HPCA: variants seen among roughly 807,000 people sequenced by gnomAD.
HPCA encodes neuron-specific calcium-binding protein hippocalcin.
A neutral mutation model predicts 18.2 loss-of-function variants in HPCA; 4 were observed. That is an observed-to-expected ratio of 0.22 (90% CI 0.11 to 0.50). The LOEUF (loss-of-function observed/expected upper bound fraction) is 0.50. Among genes scored for constraint, HPCA ranks in the 20% least tolerant of loss-of-function variants. HPCA has a pLI of 0.97. For missense variants in HPCA, 161 were observed against 265.8 expected (o/e 0.61, Z 2.74); for synonymous variants, 93 against 103.5 (o/e 0.90, Z 0.61).
upstream of HPCA, chr1:32,886,116 C>G (rs1641357976): frequency 6.6e-6 from 1 of 152,478 alleles, no homozygotes; most frequent in Admixed American, 6.6e-5. This position sits in a 1 kb window ranked among gnomAD's most constrained non-coding sequence, Gnocchi z 7.0. Flanking sequence ...GGCTCAGAGC[C>G]CAGGTGGGTA....
intron 2 of HPCA, among the ~76,000 whole-genome samples, chr1:32,891,212 A>G (rs1439657202): frequency 6.6e-6 from 1 of 152,196 alleles, no homozygotes; most frequent in Non-Finnish European, 1.5e-5. Context: ...GGGGCCCCAG[A>G]CAGCTGGTGC....
At position 32,889,046 on chromosome 1, in the gene HPCA, A is replaced by G; in HGVS notation, c.148A>G (p.Lys50Glu). 1 of 1,614,172 alleles carries G rather than the reference A, an allele frequency of 6.2e-7. No homozygotes were observed. Among genetic ancestry groups the G allele is most frequent in the Non-Finnish European group, 8.5e-7 (1 of 1,180,014 alleles). The change falls in exon 2 of 4, where the codon AAG becomes GAG. Residue 50 changes from lysine to glutamate, a missense_variant. Lys to Glu is a moderately conservative substitution (Grantham distance 56, BLOSUM62 1). Coordinates refer to ENST00000373467, the MANE Select transcript of HPCA (RefSeq NM_002143.3). The surrounding 1 kb of genome is among the most constrained non-coding windows in gnomAD (Gnocchi z 4.6). ...TGILNVDEFK[K>E]IYANFFPYGD... is the part of the protein sequence containing the mutation. ...AATCCTCAATGTGGATGAGTTCAAGAAGATCTACGCCAACTTCTTTCCCTA... is the reference window on the plus strand; with the variant it reads ...AATCCTCAATGTGGATGAGTTCAAGGAGATCTACGCCAACTTCTTTCCCTA...
At position 32,889,907 on chromosome 1, in the gene HPCA, C is replaced by A. The variant is rs537578982; in HGVS notation, c.378+631C>A. 1.3e-5 allele frequency among the ~76,000 whole-genome samples: 2 copies of A among 152,312 alleles called. No individual in the cohort carries two copies. Among genetic ancestry groups the A allele is most frequent in the South Asian group, 4.1e-4 (2 of 4,828 alleles). ...TATGTCTAGTTGATCCTCATTTACA[C>A]CAGAGGAAACGGATGCTCAGAGAGA... On this transcript the variant is annotated intron_variant, in intron 2 of 3. Coordinates refer to ENST00000373467, the MANE Select transcript of HPCA (RefSeq NM_002143.3). The surrounding 1 kb of genome is among the most constrained non-coding windows in gnomAD (Gnocchi z 4.6).
intron 1 of HPCA, 59 bp from the exon 2 acceptor site, chr1:32,888,819 T>G: frequency 2.7e-6 from 4 of 1,461,638 alleles, no homozygotes; most frequent in Non-Finnish European, 3.7e-6. Context: ...TGGAGCAGTG[T>G]CTAGTAGCCA....
Position 32,893,451 on chromosome 1 carries a change from G to A in HPCA, c.379-73G>A. The A allele has an allele frequency of 1.9e-6, 2 of 1,060,854 alleles. No homozygotes were observed. Among genetic ancestry groups the A allele is most frequent in the Admixed American group, 1.9e-5 (1 of 52,262 alleles). The allele number at this position is 1,060,854 out of a possible 1,614,324, so 65.7% of individuals were successfully genotyped here. A position where few individuals can be genotyped will look rare whatever the true frequency, so the allele number is the denominator to read the frequency against. On this transcript the variant is annotated intron_variant, in intron 2 of 3. Transcript: ENST00000373467. This position sits in a 1 kb window ranked among gnomAD's most constrained non-coding sequence, Gnocchi z 7.5. Reference sequence around the variant, plus strand: ...GGGCAGCAAACGTCAGAGAGCCCGGGGGCGCCTCTGAATCTTGCGGGTGGG... The same window carrying A: ...GGGCAGCAAACGTCAGAGAGCCCGGAGGCGCCTCTGAATCTTGCGGGTGGG...
rs1163631640 is a variant in HPCA, at chr1:32,893,866, G to A, written c.*4G>A. 1 of 1,555,814 alleles carries A rather than the reference G, an allele frequency of 6.4e-7. No individual in the cohort carries two copies. Among genetic ancestry groups the A allele is most frequent in the Non-Finnish European group, 8.7e-7 (1 of 1,148,310 alleles). On this transcript the variant is annotated 3_prime_UTR_variant, in exon 4 of 4. Coordinates refer to ENST00000373467, the MANE Select transcript of HPCA (RefSeq NM_002143.3). This position sits in a 1 kb window ranked among gnomAD's most constrained non-coding sequence, Gnocchi z 7.5. ...CAGCAGCGCCTCCCAGTTCTGAGAGGAGCCAGGTTCCCCTTCCTCCCTCCC... is the reference window on the plus strand; with the variant it reads ...CAGCAGCGCCTCCCAGTTCTGAGAGAAGCCAGGTTCCCCTTCCTCCCTCCC...
Position 32,893,939 on chromosome 1 carries a change from T to G in HPCA, c.*77T>G. The stretch of plus-strand genomic sequence containing the variant: ...TTAGCTTCCACTCCCTTGTGTGTAT[T>G]CTGGCTGGGGGCCAGATTGGGGAAG... On this transcript the variant is annotated 3_prime_UTR_variant, in exon 4 of 4. Coordinates refer to ENST00000373467, the MANE Select transcript of HPCA (RefSeq NM_002143.3). This position sits in a 1 kb window ranked among gnomAD's most constrained non-coding sequence, Gnocchi z 7.5. 1 of 1,106,838 alleles carries G rather than the reference T, an allele frequency of 9.0e-7. No individual in the cohort carries two copies. Among genetic ancestry groups the G allele is most frequent in the Non-Finnish European group, 1.3e-6 (1 of 755,696 alleles). 68.6% of individuals were successfully genotyped at this position (1,106,838 alleles called of 1,614,324 possible).
Position 32,893,975 on chromosome 1 carries a change from C to A in HPCA, c.*113C>A. ...GCCAGATTGGGGAAGCCCTTCTCCCCGGGTCTGCCCTGTGGGGGGCTTCCG... is the reference window on the plus strand; with the variant it reads ...GCCAGATTGGGGAAGCCCTTCTCCCAGGGTCTGCCCTGTGGGGGGCTTCCG... On this transcript the variant is annotated 3_prime_UTR_variant, in exon 4 of 4. Coordinates refer to ENST00000373467, the MANE Select transcript of HPCA (RefSeq NM_002143.3). This position sits in a 1 kb window ranked among gnomAD's most constrained non-coding sequence, Gnocchi z 7.5. 1 of 819,620 alleles carries A rather than the reference C, an allele frequency of 1.2e-6. No individual in the cohort carries two copies. The highest frequency in any genetic ancestry group is 1.9e-6 in the Non-Finnish European group (1 of 518,136). 50.8% of individuals were successfully genotyped at this position (819,620 alleles called of 1,614,324 possible). A position where few individuals can be genotyped will look rare whatever the true frequency, so the allele number is the denominator to read the frequency against.
chr1:32,888,544 G>C (rs567622989), intron 1 of HPCA, among the ~76,000 whole-genome samples: 1 of 152,240 alleles, frequency 6.6e-6, no homozygotes, highest in Admixed American at 6.5e-5. Flanking sequence ...CTGTAAAATG[G>C]GGCAAATCCC....
At chr1:32,888,233 G>A (rs757704638) in intron 1 of HPCA, among the ~76,000 whole-genome samples, 1 of 152,166 alleles carries the variant, frequency 6.6e-6, no homozygotes, top group Non-Finnish European at 1.5e-5. Flanking sequence ...TCACATAGCT[G>A]GTAAGAGGAG....
At chr1:32,887,443 T>C (rs1245795588) in intron 1 of HPCA, among the ~76,000 whole-genome samples, 1 of 151,934 alleles carries the variant, frequency 6.6e-6, no homozygotes, top group Non-Finnish European at 1.5e-5. Context: ...TGGGTGGGGG[T>C]CACCTGCACA....
At chr1:32,887,670 CA>C (rs1172840961) in intron 1 of HPCA, among the ~76,000 whole-genome samples, 12 of 152,154 alleles carry the variant, frequency 7.9e-5, no homozygotes, top group African/African-American at 2.7e-4. Context: ...GACCTGGCAG[CA>C]CCCCTGGGAA....
Position 32,889,413 on chromosome 1 carries a change from T to G in HPCA, c.378+137T>G. On this transcript the variant is annotated intron_variant, in intron 2 of 3. Transcript: ENST00000373467. This position sits in a 1 kb window ranked among gnomAD's most constrained non-coding sequence, Gnocchi z 4.6. ...CTTGCAATCCCATTTTAAAAATTGT[T>G]TTTAGGAAATATTTCCCATTTAAAG... 1.9e-6 allele frequency: 2 copies of G among 1,041,234 alleles called. No homozygotes were observed. Among genetic ancestry groups the G allele is most frequent in the Admixed American group, 6.0e-5 (2 of 33,316 alleles). The allele number at this position is 1,041,234 out of a possible 1,614,324, so 64.5% of individuals were successfully genotyped here. A position where few individuals can be genotyped will look rare whatever the true frequency, so the allele number is the denominator to read the frequency against.
intron 1 of HPCA, among the ~76,000 whole-genome samples, chr1:32,887,013 G>C (rs2124010121): frequency 6.6e-6 from 1 of 152,320 alleles, no homozygotes; most frequent in East Asian, 1.9e-4. Context: ...CCACCCCGGT[G>C]ACCCAGTTCC....
chr1:32,893,664 G>A lies in HPCA; in HGVS notation c.484+35G>A. The A allele has an allele frequency of 6.4e-7, 1 of 1,552,234 alleles. No individual in the cohort carries two copies. The highest frequency in any genetic ancestry group is 8.9e-7 in the Non-Finnish European group (1 of 1,126,976). ...AGGGGCGGGACGGGGTGGACGGGGC[G>A]GGCGCCTTTCCCTCCCTCCCTCCCT... On this transcript the variant is annotated intron_variant, in intron 3 of 3. Coordinates refer to ENST00000373467, the MANE Select transcript of HPCA (RefSeq NM_002143.3). This position sits in a 1 kb window ranked among gnomAD's most constrained non-coding sequence, Gnocchi z 7.5.
chr1:32,887,752 TGTC>T, intron 1 of HPCA, among the ~76,000 whole-genome samples: 1 of 152,114 alleles, frequency 6.6e-6, no homozygotes, highest in Non-Finnish European at 1.5e-5. Context: ...ATGTGAGAGG[TGTC>T]GGCATGCGAG....
chr1:32,888,923 C>A lies in HPCA; in HGVS notation c.25C>A (p.Arg9=). ...CATGGGCAAGCAGAACAGCAAGCTG[C>A]GGCCCGAGATGTTGCAGGACCTGCG... MGKQNSKL[R]PEMLQDLREN... Residue 9 remains arginine (R), a synonymous_variant, in exon 2 of 4, where the codon CGG becomes AGG. Coordinates refer to ENST00000373467, the MANE Select transcript of HPCA (RefSeq NM_002143.3). The A allele has an allele frequency of 6.2e-7, 1 of 1,612,784 alleles. No homozygotes were observed.
chr1:32,893,913 C>A lies in HPCA; in HGVS notation c.*51C>A. ...TCCCTTCACCGGCCCCCTCCCGGCT[C>A]TTAGCTTCCACTCCCTTGTGTGTAT... is the stretch of plus-strand genomic sequence containing the variant. On this transcript the variant is annotated 3_prime_UTR_variant, in exon 4 of 4. Transcript: ENST00000373467. The surrounding 1 kb of genome is among the most constrained non-coding windows in gnomAD (Gnocchi z 7.5). 3.1e-6 allele frequency: 4 copies of A among 1,275,390 alleles called. No individual in the cohort carries two copies. Among genetic ancestry groups the A allele is most frequent in the Non-Finnish European group, 4.4e-6 (4 of 900,190 alleles). The allele number at this position is 1,275,390 out of a possible 1,614,324, so 79.0% of individuals were successfully genotyped here.
In HPCA at chr1:32,889,811, TTA is replaced by T. The variant is rs373541772; in HGVS notation, c.378+536_378+537del. ...AGTTCTCATGTCTCTTTAGCCCCCT[TTA>T]ATCTGGAATAGCTCCTCATCCTTTC... On this transcript the variant is annotated intron_variant, in intron 2 of 3. Coordinates refer to ENST00000373467, the MANE Select transcript of HPCA (RefSeq NM_002143.3). This position sits in a 1 kb window ranked among gnomAD's most constrained non-coding sequence, Gnocchi z 4.6. Among the ~76,000 whole-genome samples the T allele has an allele frequency of 9.8e-5, 15 of 152,358 alleles. No homozygotes were observed. The East Asian group carries it at 2.5e-3, about 25-fold the overall frequency.
Sources: gnomAD v4.1 joint callset for allele counts (sites outside exome capture counted in the v4.1 genomes callset) on GRCh38, gnomAD v4.1.1 for gene constraint, Gnocchi (gnomAD v3.1) non-coding constraint, MANE v1.5 for transcripts, NCBI Gene and HGNC (gene_info 2026-07-23, HGNC 2026-07-21) for gene names.